The following ZCCHC7 variants were observed in gnomAD, a reference collection of about 807,000 sequenced individuals.
ZCCHC7 encodes zinc finger CCHC-type containing 7.
A neutral mutation model predicts 52.0 loss-of-function variants in ZCCHC7; 35 were observed. That is an observed-to-expected ratio of 0.67 (90% confidence interval 0.51 to 0.89). ZCCHC7 has a LOEUF of 0.89. Ranked by LOEUF, ZCCHC7 falls within the 40% of genes least tolerant of loss-of-function variation. ZCCHC7 has a pLI of 0.00. For missense variants in ZCCHC7, 574 were observed against 649.1 expected (o/e 0.88, Z 1.26); for synonymous variants, 217 against 221.5 (o/e 0.98, Z 0.18).
intron 2 of ZCCHC7, among the ~76,000 whole-genome samples, chr9:37,197,044 GT>G (rs1050737423): frequency 4.6e-5 from 7 of 152,112 alleles, no homozygotes; most frequent in African/African-American, 1.7e-4. Context: ...TGAATACATA[GT>G]GCTGTTTTAA....
At chr9:37,253,134 T>A (rs1299305363) in intron 2 of ZCCHC7, among the ~76,000 whole-genome samples, 1 of 152,060 alleles carries the variant, frequency 6.6e-6, no homozygotes, top group Non-Finnish European at 1.5e-5. Flanking sequence ...GGTCTATAGA[T>A]ACGGCAAGAA....
chr9:37,127,712 T>C (rs1842604222), intron 2 of ZCCHC7, among the ~76,000 whole-genome samples: 1 of 152,236 alleles, frequency 6.6e-6, no homozygotes, highest in African/African-American at 2.4e-5. Context: ...GGTATTGAAA[T>C]GCTCTTTTAC....
At chr9:37,154,181 G>A (rs1301867723) in intron 2 of ZCCHC7, among the ~76,000 whole-genome samples, 3 of 152,080 alleles carry the variant, frequency 2.0e-5, no homozygotes, top group Admixed American at 6.6e-5. Flanking sequence ...GAGCCACTCC[G>A]CCTGGCTCTT....
intron 2 of ZCCHC7, among the ~76,000 whole-genome samples, chr9:37,227,650 C>T (rs540453289): frequency 5.3e-5 from 8 of 152,190 alleles, no homozygotes; most frequent in Non-Finnish European, 7.3e-5. Context: ...TTCCTACTAG[C>T]TGTATTTATA....
At chr9:37,141,397 A>G (rs185789256) in intron 2 of ZCCHC7, among the ~76,000 whole-genome samples, 74 of 151,948 alleles carry the variant, frequency 4.9e-4, no homozygotes, top group Non-Finnish European at 8.0e-4. Context: ...ATTGTGTGGT[A>G]CTTAGATCCA....
chr9:37,355,759 A>C (rs754674675), intron 8 of ZCCHC7, among the ~76,000 whole-genome samples: 3 of 152,206 alleles, frequency 2.0e-5, no homozygotes, highest in Non-Finnish European at 4.4e-5. Flanking sequence ...GTGTATTTTC[A>C]ATCCTCATTT....
chr9:37,207,668 C>T (rs1211908184), intron 2 of ZCCHC7, among the ~76,000 whole-genome samples: 3 of 151,386 alleles, frequency 2.0e-5, no homozygotes, highest in South Asian at 2.1e-4. Context: ...TTCTGTTTGT[C>T]GGATCGGATA....
chr9:37,329,815 G>T (rs1394357603), intron 6 of ZCCHC7, among the ~76,000 whole-genome samples: 1 of 151,826 alleles, frequency 6.6e-6, no homozygotes, highest in Admixed American at 6.6e-5. Flanking sequence ...CATGAATGTT[G>T]AGTCAATCAG....
rs571337305 is a variant in ZCCHC7 at position 37,337,614 on chromosome 9, G to T, written c.987+9780G>T. On this transcript the variant is annotated intron_variant, in intron 6 of 8. Coordinates refer to ENST00000336755, the MANE Select transcript of ZCCHC7 (RefSeq NM_032226.3). ...TGAAAATTGAAAGGTTTTATCGGCT[G>T]GTCTGAAGCCTCATAGCACATTGCT... Among the ~76,000 whole-genome samples the T allele has an allele frequency of 7.2e-5, 11 of 152,080 alleles. No individual in the cohort carries two copies. In the South Asian group the frequency reaches 1.9e-3, roughly 26 times the overall value.
At chr9:37,144,675 A>T (rs1244454450) in intron 2 of ZCCHC7, among the ~76,000 whole-genome samples, 2 of 151,998 alleles carry the variant, frequency 1.3e-5, no homozygotes, top group Non-Finnish European at 2.9e-5. Flanking sequence ...CTTTCCAGTT[A>T]TATATGATCC....
intron 2 of ZCCHC7, among the ~76,000 whole-genome samples, chr9:37,136,472 ATCTC>A (rs887230111): frequency 6.6e-6 from 1 of 151,110 alleles, no homozygotes; most frequent in African/African-American, 2.4e-5. Flanking sequence ...CCCACCTGCA[ATCTC>A]TCTCTCTCTG....
chr9:37,166,047 C>T (rs1471963834), intron 2 of ZCCHC7, among the ~76,000 whole-genome samples: 1 of 152,208 alleles, frequency 6.6e-6, no homozygotes, highest in Admixed American at 6.5e-5. Context: ...AGAAAAATCT[C>T]ATCTAAGTTG....
chr9:37,151,353 G>A (rs539204717), intron 2 of ZCCHC7, among the ~76,000 whole-genome samples: 1 of 152,202 alleles, frequency 6.6e-6, no homozygotes, highest in Non-Finnish European at 1.5e-5. Flanking sequence ...AACCTTTTCT[G>A]TATATAAAAC....
At chr9:37,170,871 CTGTTTGAGG>C (rs1166322850) in intron 2 of ZCCHC7, among the ~76,000 whole-genome samples, 3 of 152,228 alleles carry the variant, frequency 2.0e-5, no homozygotes, top group African/African-American at 7.2e-5. Context: ...CTTCCAATGA[CTGTTTGAGG>C]CCTTATCTAT....
intron 2 of ZCCHC7, among the ~76,000 whole-genome samples, chr9:37,298,635 G>A (rs1192675816): frequency 6.6e-6 from 1 of 152,146 alleles, no homozygotes; most frequent in Non-Finnish European, 1.5e-5. Context: ...GGGATTGACT[G>A]CACATGTGCA....
intron 2 of ZCCHC7, among the ~76,000 whole-genome samples, chr9:37,157,053 C>G (rs927350144): frequency 1.3e-5 from 2 of 151,590 alleles, no homozygotes; most frequent in East Asian, 3.9e-4. Flanking sequence ...AGTGTTTGTA[C>G]TGATAATGTG....
intron 2 of ZCCHC7, among the ~76,000 whole-genome samples, chr9:37,157,572 A>G (rs893496600): frequency 5.9e-5 from 9 of 152,244 alleles, no homozygotes; most frequent in African/African-American, 2.2e-4. Flanking sequence ...TCTAAAATGT[A>G]TAAGGAACTC....
chr9:37,319,062 A>G (rs570659978), intron 5 of ZCCHC7, among the ~76,000 whole-genome samples: 1 of 151,724 alleles, frequency 6.6e-6, no homozygotes, highest in Non-Finnish European at 1.5e-5. Flanking sequence ...TGCGAGTTCT[A>G]TATTAGTCAT....
At chr9:37,189,543 C>T (rs1253192172) in intron 2 of ZCCHC7, among the ~76,000 whole-genome samples, 1 of 152,162 alleles carries the variant, frequency 6.6e-6, no homozygotes, top group African/African-American at 2.4e-5. Context: ...CACACTACCA[C>T]ACCCAGCTAA....
Sources: gnomAD v4.1 joint callset for allele counts (sites outside exome capture counted in the v4.1 genomes callset) on GRCh38, gnomAD v4.1.1 for gene constraint, MANE v1.5 for transcripts, NCBI Gene and HGNC (gene_info 2026-07-23, HGNC 2026-07-21) for gene names.